MDGA2: variants seen among roughly 807,000 people sequenced by gnomAD.
MDGA2 encodes MAM domain containing glycosylphosphatidylinositol anchor 2, also known as MAM domain-containing glycosylphosphatidylinositol anchor protein 2.
A neutral mutation model predicts 117.8 loss-of-function variants in MDGA2; 40 were observed. That is an observed-to-expected ratio of 0.34 (90% CI 0.26 to 0.44). The LOEUF is 0.44. MDGA2 is among the 20% of genes least tolerant of loss of function. The pLI, the probability that MDGA2 is intolerant of heterozygous loss-of-function variation, is 1.00. For synonymous variants in MDGA2, 452 were observed against 439.0 expected, an observed-to-expected ratio of 1.03 and a Z score of -0.37; for missense variants, 1,123 against 1,250.6, an observed-to-expected ratio of 0.90 and a Z score of 1.54.
chr14:47,001,315 A>G (rs992460233), intron 8 of MDGA2, among the ~76,000 whole-genome samples: 1 of 152,148 alleles, frequency 6.6e-6, no homozygotes, highest in Non-Finnish European at 1.5e-5. Context: ...GTGAAATAGG[A>G]TATCTTAATA....
intron 6 of MDGA2, among the ~76,000 whole-genome samples, chr14:47,087,061 C>T (rs1027496810): frequency 1.3e-5 from 2 of 152,050 alleles, no homozygotes; most frequent in African/African-American, 4.8e-5. Flanking sequence ...GGTTTAATAT[C>T]CTGATGTAAA....
rs1594919809 is a variant in MDGA2, at chr14:47,563,824, CTTG to C, written c.280+110690_280+110692del. 2.6e-5 allele frequency among the ~76,000 whole-genome samples: 4 copies of C among 151,920 alleles called. No homozygotes were observed. In the East Asian group the frequency reaches 7.7e-4, roughly 29 times the overall value. ...TGTTGTTAGCTGGTTATCATGCAGA[CTTG>C]TTTGTGTGGTTGCTTTATGGTATCA... is the stretch of plus-strand genomic sequence containing the variant. On this transcript the variant is annotated intron_variant, in intron 1 of 16. Coordinates refer to ENST00000399232, the MANE Select transcript of MDGA2 (RefSeq NM_001113498.3).
At chr14:46,953,963 A>G (rs1053942056) in intron 9 of MDGA2, among the ~76,000 whole-genome samples, 3 of 152,036 alleles carry the variant, frequency 2.0e-5, no homozygotes, top group Admixed American at 6.6e-5. Context: ...AGATTCTGTC[A>G]TCTGGTTTCC....
intron 5 of MDGA2, among the ~76,000 whole-genome samples, chr14:47,126,046 TATG>T (rs1881887595): frequency 6.6e-6 from 1 of 151,986 alleles, no homozygotes; most frequent in Non-Finnish European, 1.5e-5. Context: ...TTATCCTAAT[TATG>T]ATAATTTCAA....
intron 1 of MDGA2, among the ~76,000 whole-genome samples, chr14:47,377,448 ATTCCCT>A (rs964548076): frequency 6.6e-6 from 1 of 152,144 alleles, no homozygotes; most frequent in African/African-American, 2.4e-5. Flanking sequence ...GGGTTGGGGA[ATTCCCT>A]TTCCCAACCA....
intron 7 of MDGA2, among the ~76,000 whole-genome samples, chr14:47,060,221 C>A (rs759313571): frequency 2.6e-5 from 4 of 151,960 alleles, no homozygotes; most frequent in Admixed American, 1.3e-4. Flanking sequence ...TGAATATCTT[C>A]TAGGAACAAA....
intron 9 of MDGA2, among the ~76,000 whole-genome samples, chr14:46,931,764 C>T (rs547669702): frequency 1.3e-5 from 2 of 152,026 alleles, no homozygotes; most frequent in Non-Finnish European, 2.9e-5. Context: ...CTCAGGTGAT[C>T]CACCAGCCTC....
At chr14:47,561,158 GTTT>G (rs200625450) in intron 1 of MDGA2, among the ~76,000 whole-genome samples, 1 of 55,076 alleles carries the variant, frequency 1.8e-5, no homozygotes, top group African/African-American at 4.6e-5. Context: ...TTTTTGTTTT[GTTT>G]TGTTTTTTTG....
intron 3 of MDGA2, among the ~76,000 whole-genome samples, chr14:47,185,983 C>T (rs1226671802): frequency 6.6e-6 from 1 of 151,478 alleles, no homozygotes; most frequent in Non-Finnish European, 1.5e-5. Flanking sequence ...TATATGCAAG[C>T]TTAATACATA....
At chr14:47,418,311 C>T (rs917479761) in intron 1 of MDGA2, among the ~76,000 whole-genome samples, 92 of 151,878 alleles carry the variant, frequency 6.1e-4, no homozygotes, top group African/African-American at 2.0e-3. Context: ...ATCTCGAACT[C>T]CTGACCTCAA....
intron 1 of MDGA2, among the ~76,000 whole-genome samples, chr14:47,433,852 A>C (rs573912231): frequency 6.6e-6 from 1 of 152,276 alleles, no homozygotes; most frequent in South Asian, 2.1e-4. Context: ...AATGTGTTGA[A>C]GCTTCACAGA....
At chr14:47,387,025 A>T (rs576616735) in intron 1 of MDGA2, among the ~76,000 whole-genome samples, 15 of 152,316 alleles carry the variant, frequency 9.8e-5, no homozygotes, top group South Asian at 6.2e-4. Context: ...AATTTAAAAA[A>T]GCACCAAAGC....
chr14:47,020,555 A>G (rs933501509), intron 8 of MDGA2, among the ~76,000 whole-genome samples: 2 of 151,904 alleles, frequency 1.3e-5, no homozygotes, highest in Non-Finnish European at 2.9e-5. Context: ...GTATGAATGT[A>G]TGTGTGTGTA....
At chr14:47,034,897 T>C (rs1039116446) in intron 8 of MDGA2, 114 bp downstream of exon 8, 6 of 886,338 alleles carry the variant, frequency 6.8e-6, no homozygotes, top group Middle Eastern at 2.2e-4. Context: ...TGTAGAAATG[T>C]AGAAATAGTT....
intron 1 of MDGA2, among the ~76,000 whole-genome samples, chr14:47,333,759 T>C (rs1322389881): frequency 6.6e-6 from 1 of 151,836 alleles, no homozygotes; most frequent in African/African-American, 2.4e-5. Context: ...ATTTCACAGA[T>C]AAAAATGATC....
chr14:47,274,749 T>C (rs1161550203), intron 2 of MDGA2, among the ~76,000 whole-genome samples: 2 of 152,142 alleles, frequency 1.3e-5, no homozygotes, highest in Non-Finnish European at 2.9e-5. Context: ...TTTTTGTTCA[T>C]AGGCATTTTA....
At chr14:47,264,255 C>T (rs1267527876) in intron 2 of MDGA2, among the ~76,000 whole-genome samples, 2 of 151,990 alleles carry the variant, frequency 1.3e-5, no homozygotes, top group Non-Finnish European at 2.9e-5. Context: ...AAATCTTTGG[C>T]AAATGGAACA....
intron 6 of MDGA2, among the ~76,000 whole-genome samples, chr14:47,079,726 A>G (rs1207001583): frequency 2.2e-5 from 1 of 46,460 alleles, no homozygotes; most frequent in African/African-American, 1.1e-4. Flanking sequence ...ATTTTCTACT[A>G]ATTTTTTTTT....
chr14:47,476,016 AAAAAT>A (rs1292894950), intron 1 of MDGA2, among the ~76,000 whole-genome samples: 2 of 152,246 alleles, frequency 1.3e-5, no homozygotes, highest in African/African-American at 4.8e-5. Context: ...GTTTAAGAAT[AAAAAT>A]AAAATAAAAG....
Sources: gnomAD v4.1 joint callset for allele counts (sites outside exome capture counted in the v4.1 genomes callset) on GRCh38, gnomAD v4.1.1 for gene constraint, MANE v1.5 for transcripts, NCBI Gene and HGNC (gene_info 2026-07-23, HGNC 2026-07-21) for gene names.